RFX3: variants seen among roughly 807,000 people sequenced by gnomAD.
The protein encoded by RFX3 is regulatory factor X3.
A neutral mutation model predicts 98.6 loss-of-function variants in RFX3; 14 were observed. The observed-to-expected ratio is 0.14, with a 90% CI of 0.09 to 0.22. The LOEUF is 0.22. RFX3 is among the 10% of genes least tolerant of loss of function. RFX3 has a pLI of 1.00. For missense variants in RFX3, 639 were observed against 926.9 expected, an observed-to-expected ratio of 0.69 and a Z score of 4.03; for synonymous variants, 383 against 328.4, an observed-to-expected ratio of 1.17 and a Z score of -1.80.
At chr9:3,317,700 A>T (rs1587024280) in intron 4 of RFX3, among the ~76,000 whole-genome samples, 2 of 152,362 alleles carry the variant, frequency 1.3e-5, no homozygotes, top group South Asian at 4.1e-4. Flanking sequence ...CCCATCAAAA[A>T]GTGGGCAAAG....
chr9:3,326,601 C>G (rs1178499341), intron 4 of RFX3, among the ~76,000 whole-genome samples: 2 of 152,218 alleles, frequency 1.3e-5, no homozygotes, highest in Admixed American at 1.3e-4. Context: ...TTTTCTGTTC[C>G]TGCATTAGTT....
At chr9:3,437,532 T>C (rs1428576979) in intron 1 of RFX3, among the ~76,000 whole-genome samples, 4 of 152,100 alleles carry the variant, frequency 2.6e-5, no homozygotes, top group Non-Finnish European at 4.4e-5. Flanking sequence ...AAGGAAATCC[T>C]CGTAGAAGAA....
At position 3,381,454 on chromosome 9, in the gene RFX3, T is replaced by C. The variant is rs550386669; in HGVS notation, c.117+14018A>G. Reference sequence around the variant, plus strand: ...TAATTTTGCTCTATCATTTCAACAATCATTTCAACATACAGATTTTTTAGA... The same window carrying C: ...TAATTTTGCTCTATCATTTCAACAACCATTTCAACATACAGATTTTTTAGA... On this transcript the variant is annotated intron_variant, in intron 2 of 16. Transcript: ENST00000617270. 1.1e-4 allele frequency among the ~76,000 whole-genome samples: 16 copies of C among 152,212 alleles called. No homozygotes were observed. In the South Asian group the frequency reaches 3.3e-3, roughly 32 times the overall value.
chr9:3,464,479 C>T (rs941406309), intron 1 of RFX3, among the ~76,000 whole-genome samples: 20 of 152,184 alleles, frequency 1.3e-4, no homozygotes, highest in African/African-American at 4.6e-4. Flanking sequence ...ACTGCTGATA[C>T]ATATACAGCT....
chr9:3,372,731 G>A (rs1051814567), intron 2 of RFX3, among the ~76,000 whole-genome samples: 1 of 151,658 alleles, frequency 6.6e-6, no homozygotes, highest in Non-Finnish European at 1.5e-5. Context: ...GAGTACAGGT[G>A]CCCGCCACCA....
chr9:3,449,952 C>T (rs1846425205), intron 1 of RFX3, among the ~76,000 whole-genome samples: 1 of 150,934 alleles, frequency 6.6e-6, no homozygotes, highest in Non-Finnish European at 1.5e-5. Flanking sequence ...ATCATCGTAG[C>T]CCAGGATAAA....
chr9:3,442,610 C>A (rs745884529), intron 1 of RFX3, among the ~76,000 whole-genome samples: 2 of 152,106 alleles, frequency 1.3e-5, no homozygotes, highest in Non-Finnish European at 2.9e-5. Flanking sequence ...CCCCTGGTTG[C>A]CTAGTTGTAA....
chr9:3,451,431 CTACT>C (rs1846619633), intron 1 of RFX3, among the ~76,000 whole-genome samples: 1 of 152,054 alleles, frequency 6.6e-6, no homozygotes, highest in African/African-American at 2.4e-5. Context: ...GTAGTCCCAG[CTACT>C]TAGGAAGCTG....
At chr9:3,462,683 G>A (rs1268108565) in intron 1 of RFX3, among the ~76,000 whole-genome samples, 1 of 151,994 alleles carries the variant, frequency 6.6e-6, no homozygotes, top group Non-Finnish European at 1.5e-5. Context: ...TAGAAACAGT[G>A]CATTTAGTAA....
chr9:3,228,701 T>C, intron 16 of RFX3, 146 bp downstream of exon 16: 1 of 576,376 alleles, frequency 1.7e-6, no homozygotes, highest in South Asian at 3.2e-5. Flanking sequence ...GGAGAAATAA[T>C]GAAAAGACAG....
intron 1 of RFX3, among the ~76,000 whole-genome samples, chr9:3,503,715 A>T (rs1244295228): frequency 6.6e-6 from 1 of 152,134 alleles, no homozygotes; most frequent in Non-Finnish European, 1.5e-5. Flanking sequence ...TACATGTACA[A>T]AGTTTTACAA....
At chr9:3,504,381 C>A (rs1361385216) in intron 1 of RFX3, among the ~76,000 whole-genome samples, 3 of 134,808 alleles carry the variant, frequency 2.2e-5, no homozygotes, top group Non-Finnish European at 4.6e-5. Flanking sequence ...ATATTATATA[C>A]CACATAGCAT....
chr9:3,423,189 G>A (rs1207514139), intron 1 of RFX3, among the ~76,000 whole-genome samples: 5 of 152,102 alleles, frequency 3.3e-5, no homozygotes, highest in African/African-American at 1.2e-4. Flanking sequence ...GTGAAGGAAG[G>A]AATGTTTTCA....
chr9:3,351,768 T>C (rs1288371099), intron 2 of RFX3, among the ~76,000 whole-genome samples: 1 of 151,890 alleles, frequency 6.6e-6, no homozygotes, highest in Admixed American at 6.6e-5. Context: ...TTTTACTCTC[T>C]AGAACTATAA....
At position 3,381,307 on chromosome 9, in the gene RFX3, G is replaced by A. The variant is rs1227545899; in HGVS notation, c.117+14165C>T. On this transcript the variant is annotated intron_variant, in intron 2 of 16. Transcript: ENST00000617270. The stretch of plus-strand genomic sequence containing the variant: ...AATGGTCGTAAACAGGACTGTAATC[G>A]ATGATCTTATCAGTCCCATAAGAAA... Among the ~76,000 whole-genome samples, 7 of 151,844 alleles carry A rather than the reference G, an allele frequency of 4.6e-5. 1 individual carries two copies. In the East Asian group the frequency reaches 1.2e-3, roughly 25 times the overall value.
intron 2 of RFX3, among the ~76,000 whole-genome samples, chr9:3,382,582 T>C (rs1188388008): frequency 6.6e-6 from 1 of 152,162 alleles, no homozygotes; most frequent in Non-Finnish European, 1.5e-5. Flanking sequence ...TGCTTTTGTC[T>C]TTTTCTTGAG....
intron 1 of RFX3, among the ~76,000 whole-genome samples, chr9:3,457,372 T>G (rs773284942): frequency 3.9e-5 from 6 of 152,110 alleles, no homozygotes; most frequent in Admixed American, 6.6e-5. Flanking sequence ...CATTAACTAG[T>G]TGAGAGCAAA....
chr9:3,395,589 G>T lies in RFX3; in HGVS notation c.-1C>A, dbSNP rs142614062. On this transcript the variant is annotated 5_prime_UTR_variant, in exon 2 of 17. Transcript: ENST00000617270. ...CCGACCCAGTCTCTGATGTCTGCAT[G>T]ATGGTCTCTGAAATAGATTAAAATG... is the stretch of plus-strand genomic sequence containing the variant. 9.2e-5 allele frequency: 149 copies of T among 1,613,966 alleles called. No individual in the cohort carries two copies. In the African/African-American group the frequency reaches 1.9e-3, roughly 21 times the overall value.
At position 3,255,776 on chromosome 9, in the gene RFX3, G is replaced by C. The variant is rs58921706; in HGVS notation, c.1814+1215C>G. ...TCATTTGATATATGTCATGTAATCA[G>C]AAAGCCCTTTTCTTCTGGGTGCTTC... On this transcript the variant is annotated intron_variant, in intron 14 of 16. Transcript: ENST00000617270. 3.1e-3 allele frequency among the ~76,000 whole-genome samples: 468 copies of C among 152,246 alleles called. 4 individuals carry two copies. Among genetic ancestry groups the C allele is most frequent in the African/African-American group, 0.01 (429 of 41,540 alleles).
Sources: allele counts gnomAD v4.1 joint callset (sites outside exome capture counted in the v4.1 genomes callset), GRCh38; gene constraint gnomAD v4.1.1; transcripts MANE v1.5; gene names NCBI Gene and HGNC (gene_info 2026-07-23, HGNC 2026-07-21).